Variants in DTNBP1 observed in about 807,000 individuals in gnomAD.
DTNBP1 encodes the protein dystrobrevin binding protein 1.
Under a neutral mutation model 42.8 loss-of-function variants are expected in DTNBP1, and 35 were observed. The observed-to-expected ratio is 0.82, with a 90% CI of 0.63 to 1.09. The LOEUF is 1.09. Ranked by LOEUF, DTNBP1 falls within the 50% of genes least tolerant of loss-of-function variation. The probability of loss-of-function intolerance (pLI) is 0.00; values close to 1 mark genes in which losing one functional copy is unlikely to be tolerated. For missense variants in DTNBP1, 457 were observed against 424.2 expected (o/e 1.08, Z -0.68); for synonymous variants, 171 against 162.2 (o/e 1.05, Z -0.41).
chr6:15,546,847 A>T (rs940681459), intron 7 of DTNBP1, among the ~76,000 whole-genome samples: 3 of 151,968 alleles, frequency 2.0e-5, no homozygotes, highest in African/African-American at 7.2e-5. Context: ...CTCTTCAGTG[A>T]TATGTTGACA....
Position 15,627,368 on chromosome 6 carries a change from G to A in DTNBP1, c.330C>T (p.Asp110=). 1 of 1,613,774 alleles carries A rather than the reference G, an allele frequency of 6.2e-7. No homozygotes were observed. The highest frequency in any genetic ancestry group is 8.5e-7 in the Non-Finnish European group (1 of 1,179,912). Residue 110 remains aspartate (D), a synonymous_variant, in exon 5 of 10, where the codon GAC becomes GAT. Transcript: ENST00000344537. The part of the protein sequence containing the change: ...QLQQLPALIA[D]LESMTANLTH... ...TCAGATTTGCTGTCATGGATTCTAAGTCTGCGATTAAAGCTGGGAGCTGCT... is the reference window on the plus strand; with the variant it reads ...TCAGATTTGCTGTCATGGATTCTAAATCTGCGATTAAAGCTGGGAGCTGCT...
At chr6:15,634,280 T>G (rs925739946) in intron 4 of DTNBP1, among the ~76,000 whole-genome samples, 3 of 152,214 alleles carry the variant, frequency 2.0e-5, no homozygotes, top group African/African-American at 7.2e-5. Context: ...TGTCATCTTT[T>G]GCATTGACTG....
chr6:15,532,273 C>G (rs527300902), intron 8 of DTNBP1, among the ~76,000 whole-genome samples: 1 of 152,348 alleles, frequency 6.6e-6, no homozygotes, highest in African/African-American at 2.4e-5. Flanking sequence ...CTCTGAGTCA[C>G]TCAGTTCTTC....
At chr6:15,551,725 T>C (rs531645562) in intron 7 of DTNBP1, among the ~76,000 whole-genome samples, 2 of 152,308 alleles carry the variant, frequency 1.3e-5, no homozygotes, top group South Asian at 4.1e-4. Context: ...AAGCACTGTG[T>C]CTTTCAACAT....
chr6:15,559,601 T>C lies in DTNBP1; in HGVS notation c.512-26206A>G, dbSNP rs78713579. On this transcript the variant is annotated intron_variant, in intron 7 of 9. Transcript: ENST00000344537. ...GGTCTGCTGCTGGTGTGATGCACTATAGGTTTCTGAATCCCAGCATAACCA... is the reference window on the plus strand; with the variant it reads ...GGTCTGCTGCTGGTGTGATGCACTACAGGTTTCTGAATCCCAGCATAACCA... Among the ~76,000 whole-genome samples the C allele has an allele frequency of 7.9e-5, 12 of 152,290 alleles. No homozygotes were observed. In the East Asian group the frequency reaches 2.3e-3, roughly 29 times the overall value.
rs752074481 is a variant in DTNBP1 at position 15,523,010 on chromosome 6, CCTCT to C, written c.1017_1020del (p.Glu340ProfsTer44). The C allele has an allele frequency of 6.6e-5, 107 of 1,614,124 alleles. No individual in the cohort carries two copies. In the Admixed American group the frequency reaches 7.8e-4, roughly 12 times the overall value. ...CTGTCCTCACCACCATCCGGAGTGG[CCTCT>C]CTGTCAGTGTGTGATGTGGCCAGGG... is the stretch of plus-strand genomic sequence containing the variant. On this transcript the variant is annotated frameshift_variant, in exon 10 of 10. Transcript: ENST00000344537. LOFTEE classifies it high-confidence loss of function.
intron 7 of DTNBP1, among the ~76,000 whole-genome samples, chr6:15,580,308 AATAG>A (rs1460851241): frequency 6.6e-6 from 1 of 152,220 alleles, no homozygotes; most frequent in African/African-American, 2.4e-5. Context: ...GGGTCTATGA[AATAG>A]ATAAAGTCAC....
At chr6:15,614,171 G>T (rs1454634514) in intron 6 of DTNBP1, among the ~76,000 whole-genome samples, 1 of 151,836 alleles carries the variant, frequency 6.6e-6, no homozygotes, top group Admixed American at 6.6e-5. Flanking sequence ...TCATCCCTTG[G>T]CCTCATTCTA....
chr6:15,662,973 C>T lies in DTNBP1; in HGVS notation c.-104G>A, dbSNP rs1469695165. ...CCCCGCGCTGTCACCGCGCGCCCCGCACTCCCACTACCGGCCCCGCCCCCG... is the reference window on the plus strand; with the variant it reads ...CCCCGCGCTGTCACCGCGCGCCCCGTACTCCCACTACCGGCCCCGCCCCCG... On this transcript the variant is annotated 5_prime_UTR_variant, in exon 1 of 10. Transcript: ENST00000344537. The T allele has an allele frequency of 6.6e-7, 1 of 1,506,474 alleles. No homozygotes were observed. Among genetic ancestry groups the T allele is most frequent in the African/African-American group, 1.4e-5 (1 of 72,570 alleles). 93.3% of individuals were successfully genotyped at this position (1,506,474 alleles called of 1,614,324 possible). A position where few individuals can be genotyped will look rare whatever the true frequency, so the allele number is the denominator to read the frequency against.
In DTNBP1 at chr6:15,601,905, C is replaced by T. The variant is rs565180114; in HGVS notation, c.489-8824G>A. On this transcript the variant is annotated intron_variant, in intron 6 of 9. Coordinates refer to ENST00000344537, the MANE Select transcript of DTNBP1 (RefSeq NM_032122.5). ...GTCCTAAACAGAACATAACATGAAA[C>T]TTCCAGAGAGGAAGGAAAATGTTGC... Among the ~76,000 whole-genome samples the T allele has an allele frequency of 2.0e-5, 3 of 148,926 alleles. No individual in the cohort carries two copies. The East Asian group carries it at 5.9e-4, about 29-fold the overall frequency.
At chr6:15,583,084 GATCCTTCCACCTCA>G (rs1775907785) in intron 7 of DTNBP1, among the ~76,000 whole-genome samples, 1 of 152,158 alleles carries the variant, frequency 6.6e-6, no homozygotes, top group South Asian at 2.1e-4. Context: ...AGCCTCAAGT[GATCCTTCCACCTCA>G]GCCTCTCAAG....
chr6:15,531,520 T>C (rs1772824670), intron 8 of DTNBP1, among the ~76,000 whole-genome samples: 1 of 152,238 alleles, frequency 6.6e-6, no homozygotes, highest in Non-Finnish European at 1.5e-5. Flanking sequence ...TAAACAAGCA[T>C]CATCCACACA....
intron 7 of DTNBP1, among the ~76,000 whole-genome samples, chr6:15,571,644 GGC>G (rs1476442957): frequency 6.6e-6 from 1 of 152,178 alleles, no homozygotes; most frequent in African/African-American, 2.4e-5. Context: ...GTTCACTTCT[GGC>G]AGGCCTCCAC....
At chr6:15,537,149 G>A (rs568471273) in intron 7 of DTNBP1, among the ~76,000 whole-genome samples, 13 of 152,312 alleles carry the variant, frequency 8.5e-5, no homozygotes, top group African/African-American at 1.7e-4. Flanking sequence ...GGCCGGGCGC[G>A]GTGGCTCACG....
At chr6:15,605,483 A>T (rs1190243909) in intron 6 of DTNBP1, among the ~76,000 whole-genome samples, 1 of 152,178 alleles carries the variant, frequency 6.6e-6, no homozygotes, top group African/African-American at 2.4e-5. Context: ...TAGCTGAAGC[A>T]GTCCTCCCCT....
chr6:15,550,497 CTT>C, intron 7 of DTNBP1, among the ~76,000 whole-genome samples: 1 of 152,270 alleles, frequency 6.6e-6, no homozygotes. Context: ...TCAAAGGCCT[CTT>C]GTTATAAATA....
At position 15,655,390 on chromosome 6, in the gene DTNBP1, G is replaced by A. The variant is rs1761224041; in HGVS notation, c.57-3250C>T. Among the ~76,000 whole-genome samples the A allele has an allele frequency of 2.0e-5, 3 of 152,106 alleles. No homozygotes were observed. The South Asian group carries it at 6.2e-4, about 32-fold the overall frequency. On this transcript the variant is annotated intron_variant, in intron 1 of 9. Transcript: ENST00000344537. ...TCCTCCCACCTCAGCCTCCCCAAGT[G>A]CTGGGATTAGAAGCATGAACCACCA...
At chr6:15,622,123 T>C (rs1373413920) in intron 5 of DTNBP1, among the ~76,000 whole-genome samples, 1 of 152,188 alleles carries the variant, frequency 6.6e-6, no homozygotes, top group African/African-American at 2.4e-5. Context: ...CTCTAACATG[T>C]AAAATAACTG....
intron 3 of DTNBP1, among the ~76,000 whole-genome samples, chr6:15,640,643 T>C (rs1760289648): frequency 6.6e-6 from 1 of 152,178 alleles, no homozygotes. Flanking sequence ...TGTACTACAC[T>C]CTTTGAAACA....
Sources: allele counts gnomAD v4.1 joint callset (sites outside exome capture counted in the v4.1 genomes callset), GRCh38; gene constraint gnomAD v4.1.1; transcripts MANE v1.5; gene names NCBI Gene and HGNC (gene_info 2026-07-23, HGNC 2026-07-21).